The following CYB5A variants were observed in gnomAD, a reference collection of about 807,000 sequenced individuals.
The protein encoded by CYB5A is cytochrome b5.
Under a neutral mutation model 16.2 loss-of-function variants are expected in CYB5A, and 10 were observed. That is an observed-to-expected ratio of 0.62 (90% confidence interval 0.38 to 1.04). CYB5A has a LOEUF of 1.04. Among genes scored for constraint, CYB5A ranks in the 50% least tolerant of loss-of-function variants. The probability of loss-of-function intolerance (pLI) is 0.01; values close to 1 mark genes in which losing one functional copy is unlikely to be tolerated. For synonymous variants in CYB5A, 62 were observed against 57.0 expected (o/e 1.09, Z -0.40); for missense variants, 161 against 165.9 (o/e 0.97, Z 0.16).
chr18:74,253,954 G>C (rs1056664912), intron 4 of CYB5A, among the ~76,000 whole-genome samples: 2 of 152,176 alleles, frequency 1.3e-5, no homozygotes, highest in African/African-American at 4.8e-5. Context: ...CAAGGCAGAC[G>C]GATCACTTGA....
At chr18:74,261,465 A>G (rs1366707316) in intron 2 of CYB5A, 3 of 180,788 alleles carry the variant, frequency 1.7e-5, no homozygotes, top group Non-Finnish European at 3.6e-5. Flanking sequence ...CAGAAGTGCC[A>G]CAGTCAGGGC....
At chr18:74,282,883 C>T (rs1983173169) in intron 1 of CYB5A, among the ~76,000 whole-genome samples, 1 of 152,176 alleles carries the variant, frequency 6.6e-6, no homozygotes, top group African/African-American at 2.4e-5. Flanking sequence ...TTGAAAGGAA[C>T]TGAACAGAAA....
chr18:74,265,292 T>A (rs992974901), intron 1 of CYB5A, among the ~76,000 whole-genome samples: 19 of 152,136 alleles, frequency 1.2e-4, no homozygotes, highest in Non-Finnish European at 2.2e-4. Context: ...AAATCACCCA[T>A]CATCTTGCCT....
At chr18:74,283,697 C>G (rs1983205635) in intron 1 of CYB5A, among the ~76,000 whole-genome samples, 1 of 152,190 alleles carries the variant, frequency 6.6e-6, no homozygotes, top group Admixed American at 6.5e-5. Context: ...CAGTGGGATG[C>G]ACTTTTGCTT....
intron 3 of CYB5A, chr18:74,258,783 T>G (rs972428446): frequency 6.6e-6 from 1 of 152,242 alleles, no homozygotes; most frequent in African/African-American, 2.4e-5. Context: ...AAAGTCACAA[T>G]AAAGAAGAGT....
At chr18:74,278,479 C>T (rs557223590) in intron 1 of CYB5A, among the ~76,000 whole-genome samples, 2 of 152,290 alleles carry the variant, frequency 1.3e-5, no homozygotes, top group East Asian at 1.9e-4. Flanking sequence ...AGTTCCTGGC[C>T]TTTGTAAATT....
chr18:74,253,708 T>G, intron 4 of CYB5A, 43 bp from the exon 5 acceptor site: 42 of 1,285,496 alleles, frequency 3.3e-5, no homozygotes, highest in Non-Finnish European at 4.1e-5. Flanking sequence ...TGATGTGCAC[T>G]GTGGTGGACT....
intron 3 of CYB5A, chr18:74,259,011 G>C (rs528478176): frequency 5.3e-5 from 8 of 152,314 alleles, no homozygotes; most frequent in African/African-American, 1.9e-4. Flanking sequence ...GGGCATGGTG[G>C]CAGGCACCTG....
In CYB5A at chr18:74,251,184, A is replaced by G; in HGVS notation, c.*2400T>C. 1 of 152,346 alleles carries G rather than the reference A, an allele frequency of 6.6e-6. No homozygotes were observed. The highest frequency in any genetic ancestry group is 1.5e-5 in the Non-Finnish European group (1 of 68,228). 9.4% of individuals were successfully genotyped at this position (152,346 alleles called of 1,614,324 possible). On this transcript the variant is annotated 3_prime_UTR_variant, in exon 5 of 5. Coordinates refer to ENST00000340533, the MANE Select transcript of CYB5A (RefSeq NM_148923.4). ...GACTCTGTCTCAAAAACAAAAAAAA[A>G]AAAAAAAGAAAGTTTACTTTGCCAA...
chr18:74,286,115 G>A (rs569286103), intron 1 of CYB5A, among the ~76,000 whole-genome samples: 3 of 152,218 alleles, frequency 2.0e-5, no homozygotes, highest in African/African-American at 7.2e-5. Flanking sequence ...TGGATGTAAA[G>A]CACATCCACG....
chr18:74,263,335 CA>C lies in CYB5A; in HGVS notation c.258+13del. 1 of 1,613,882 alleles carries C rather than the reference CA, an allele frequency of 6.2e-7. No homozygotes were observed. On this transcript the variant is annotated intron_variant, in intron 2 of 4. Coordinates refer to ENST00000340533, the MANE Select transcript of CYB5A (RefSeq NM_148923.4). ...TTAAATACAAATAAGAAAGGGCCCCCAAAATGTACTTACTGGATGGAGCTCC... is the reference window on the plus strand; with the variant it reads ...TTAAATACAAATAAGAAAGGGCCCCCAAATGTACTTACTGGATGGAGCTCC...
intron 2 of CYB5A, chr18:74,261,739 T>G (rs902782729): frequency 6.6e-6 from 1 of 152,428 alleles, no homozygotes; most frequent in Non-Finnish European, 1.5e-5. Context: ...GAACCTAATG[T>G]AACCTCTTCT....
At chr18:74,271,748 A>G (rs1982677509) in intron 1 of CYB5A, among the ~76,000 whole-genome samples, 1 of 152,148 alleles carries the variant, frequency 6.6e-6, no homozygotes, top group South Asian at 2.1e-4. Context: ...CATTAACTGT[A>G]GTTACCTTGT....
At chr18:74,261,870 C>T (rs1034647016) in intron 2 of CYB5A, among the ~76,000 whole-genome samples, 2 of 151,986 alleles carry the variant, frequency 1.3e-5, no homozygotes. Context: ...TTTTTTCTTA[C>T]GAGAGCAGAG....
rs546793875 is a variant in CYB5A at position 74,290,341 on chromosome 18, T to G, written c.129+1406A>C. Among the ~76,000 whole-genome samples, 222 of 152,200 alleles carry G rather than the reference T, an allele frequency of 1.5e-3. 1 individual carries two copies. Among genetic ancestry groups the G allele is most frequent in the Non-Finnish European group, 2.5e-3 (173 of 68,008 alleles). On this transcript the variant is annotated intron_variant, in intron 1 of 4. Transcript: ENST00000340533. Reference sequence around the variant, plus strand: ...CTCACTGCAACCTCTGCCTCCCAGGTTTAAGGGATTCTCCTGTCTCAGCCT... The same window carrying G: ...CTCACTGCAACCTCTGCCTCCCAGGGTTAAGGGATTCTCCTGTCTCAGCCT...
intron 1 of CYB5A, among the ~76,000 whole-genome samples, chr18:74,282,684 A>C (rs139755262): frequency 3.7e-4 from 57 of 152,316 alleles, no homozygotes; most frequent in South Asian, 8.3e-4. Flanking sequence ...CAAAGGTTTC[A>C]AGGTAAAAAC....
intron 1 of CYB5A, among the ~76,000 whole-genome samples, chr18:74,288,417 C>T (rs1983399121): frequency 6.6e-6 from 1 of 152,174 alleles, no homozygotes; most frequent in Non-Finnish European, 1.5e-5. Flanking sequence ...ACTGAAAGTT[C>T]ATTTGAGAGT....
chr18:74,281,790 AG>A (rs1446886066), intron 1 of CYB5A, among the ~76,000 whole-genome samples: 1 of 112,506 alleles, frequency 8.9e-6, no homozygotes, highest in Non-Finnish European at 1.8e-5. Flanking sequence ...TCAGGGGAGA[AG>A]GGAATATGTG....
At chr18:74,270,227 T>C (rs1982618371) in intron 1 of CYB5A, among the ~76,000 whole-genome samples, 1 of 151,944 alleles carries the variant, frequency 6.6e-6, no homozygotes, top group South Asian at 2.1e-4. Context: ...TGCTCAAACG[T>C]TAACACCTCA....
Sources: allele counts gnomAD v4.1 joint callset (sites outside exome capture counted in the v4.1 genomes callset), GRCh38; gene constraint gnomAD v4.1.1; transcripts MANE v1.5; gene names NCBI Gene and HGNC (gene_info 2026-07-23, HGNC 2026-07-21).